ROBO2: variants seen among roughly 807,000 people sequenced by gnomAD.
ROBO2 encodes the protein roundabout homolog 2.
Under a neutral mutation model 160.8 loss-of-function variants are expected in ROBO2, and 53 were observed. The observed-to-expected ratio is 0.33, with a 90% confidence interval of 0.26 to 0.41. The LOEUF is 0.41. Among genes scored for constraint, ROBO2 ranks in the 10% least tolerant of loss-of-function variants. The probability of loss-of-function intolerance (pLI) is 1.00; values close to 1 mark genes in which losing one functional copy is unlikely to be tolerated. For missense variants in ROBO2, 1,577 were observed against 1,722.4 expected (o/e 0.92, Z 1.49); for synonymous variants, 664 against 611.7 (o/e 1.09, Z -1.26).
In ROBO2 at chr3:77,327,459, C is replaced by T. The variant is rs553595035; in HGVS notation, c.389-149955C>T. On this transcript the variant is annotated intron_variant, in intron 2 of 25. Transcript: ENST00000461745. The stretch of plus-strand genomic sequence containing the variant: ...GTGAGATTTTCTTCATTTTCCTATT[C>T]GCTTGGATATGCTGTAACTCCATTT... Among the ~76,000 whole-genome samples the T allele has an allele frequency of 9.9e-4, 150 of 152,220 alleles. 1 individual carries two copies. Among genetic ancestry groups the T allele is most frequent in the African/African-American group, 2.9e-3 (120 of 41,532 alleles).
At chr3:76,344,141 T>A (rs1324103338) in intron 2 of ROBO2, among the ~76,000 whole-genome samples, 2 of 152,142 alleles carry the variant, frequency 1.3e-5, no homozygotes, top group African/African-American at 4.8e-5. Context: ...TTTATAATAA[T>A]CATGTTGGAA....
intron 2 of ROBO2, among the ~76,000 whole-genome samples, chr3:76,076,765 A>G (rs1485101147): frequency 6.6e-6 from 1 of 152,246 alleles, no homozygotes; most frequent in Non-Finnish European, 1.5e-5. Flanking sequence ...CCAAAAGAGC[A>G]TATAACCTGA....
rs539364733 is a variant in ROBO2 at position 77,462,283 on chromosome 3, C to T, written c.389-15131C>T. 1.1e-4 allele frequency among the ~76,000 whole-genome samples: 17 copies of T among 152,174 alleles called. No homozygotes were observed. In the East Asian group the frequency reaches 3.1e-3, roughly 28 times the overall value. On this transcript the variant is annotated intron_variant, in intron 2 of 25. Coordinates refer to ENST00000461745, the Ensembl canonical transcript of ROBO2. Reference sequence around the variant, plus strand: ...CAAATCAAAAGGTTGTCATCGAATTCGTCTTTATGTCTCTTGTGCCTAGCT... The same window carrying T: ...CAAATCAAAAGGTTGTCATCGAATTTGTCTTTATGTCTCTTGTGCCTAGCT...
At chr3:76,305,312 G>T (rs757511602) in intron 2 of ROBO2, among the ~76,000 whole-genome samples, 2 of 129,232 alleles carry the variant, frequency 1.5e-5, no homozygotes, top group Non-Finnish European at 3.1e-5. Flanking sequence ...GATTGCTTGA[G>T]CCCAAGAGTT....
chr3:77,218,218 C>T (rs532498918), intron 2 of ROBO2, among the ~76,000 whole-genome samples: 1 of 152,256 alleles, frequency 6.6e-6, no homozygotes, highest in South Asian at 2.1e-4. Context: ...ATTCTTCAAA[C>T]TCTGTACTTC....
intron 2 of ROBO2, among the ~76,000 whole-genome samples, chr3:76,836,655 C>T (rs1324413021): frequency 6.6e-6 from 1 of 151,514 alleles, no homozygotes; most frequent in Non-Finnish European, 1.5e-5. Flanking sequence ...TTAGAAGTAT[C>T]TTATTTAATT....
intron 2 of ROBO2, among the ~76,000 whole-genome samples, chr3:77,438,506 T>A (rs1053899044): frequency 1.3e-5 from 2 of 151,452 alleles, no homozygotes; most frequent in African/African-American, 4.9e-5. Flanking sequence ...AAAGTGAGTA[T>A]CTGAAAAAGA....
chr3:76,324,152 AT>A (rs1456304332), intron 2 of ROBO2, among the ~76,000 whole-genome samples: 1 of 152,156 alleles, frequency 6.6e-6, no homozygotes, highest in Non-Finnish European at 1.5e-5. Flanking sequence ...TCATAACACT[AT>A]TTAAAGGAAG....
intron 2 of ROBO2, among the ~76,000 whole-genome samples, chr3:77,319,620 T>A (rs1276589849): frequency 1.3e-5 from 2 of 152,106 alleles, no homozygotes; most frequent in Non-Finnish European, 2.9e-5. Flanking sequence ...GAAAGGAAAA[T>A]AACAAAGAAG....
chr3:76,132,278 A>G (rs2071251499), intron 2 of ROBO2, among the ~76,000 whole-genome samples: 1 of 151,696 alleles, frequency 6.6e-6, no homozygotes, highest in Non-Finnish European at 1.5e-5. Context: ...GACGTGCTAC[A>G]GGGCAGCTCT....
intron 16 of ROBO2, among the ~76,000 whole-genome samples, chr3:77,583,014 C>T (rs1309301221): frequency 1.3e-5 from 2 of 151,554 alleles, no homozygotes; most frequent in Non-Finnish European, 2.9e-5. Flanking sequence ...TGGTGGCGTG[C>T]ACCTGTAGTC....
intron 2 of ROBO2, among the ~76,000 whole-genome samples, chr3:76,832,356 A>T (rs928278581): frequency 1.3e-5 from 2 of 152,224 alleles, no homozygotes; most frequent in Non-Finnish European, 2.9e-5. Flanking sequence ...ACACTTATTA[A>T]TGGCAAAGAT....
intron 1 of ROBO2, among the ~76,000 whole-genome samples, chr3:77,046,722 C>A (rs989387783): frequency 7.2e-5 from 11 of 152,162 alleles, no homozygotes; most frequent in African/African-American, 2.7e-4. Context: ...GAATTCCAGG[C>A]TCTTGTTACT....
chr3:77,163,116 G>A (rs975858460), intron 2 of ROBO2, among the ~76,000 whole-genome samples: 3 of 152,112 alleles, frequency 2.0e-5, no homozygotes, highest in Non-Finnish European at 4.4e-5. Context: ...GATTACAGGT[G>A]TGAGCCACCG....
chr3:76,909,339 GAC>G (rs1024311266), intron 2 of ROBO2, among the ~76,000 whole-genome samples: 1 of 152,142 alleles, frequency 6.6e-6, no homozygotes, highest in African/African-American at 2.4e-5. Context: ...TGCACTCGCA[GAC>G]ACACACAGTG....
chr3:77,421,714 T>A (rs1272249026), intron 2 of ROBO2, among the ~76,000 whole-genome samples: 1 of 151,894 alleles, frequency 6.6e-6, no homozygotes, highest in East Asian at 1.9e-4. Context: ...TGAAGTAGAT[T>A]TTGAAAAAGG....
intron 2 of ROBO2, among the ~76,000 whole-genome samples, chr3:76,212,842 G>C (rs1703232309): frequency 3.4e-5 from 1 of 29,432 alleles, no homozygotes; most frequent in Non-Finnish European, 8.2e-5. Context: ...AACCCATGGA[G>C]CCTCTCTCTC....
chr3:76,925,374 A>G (rs1314045791), intron 2 of ROBO2, among the ~76,000 whole-genome samples: 1 of 152,152 alleles, frequency 6.6e-6, no homozygotes, highest in Non-Finnish European at 1.5e-5. Flanking sequence ...TGTTGTAGAT[A>G]TTAAGTCTTT....
chr3:77,322,877 A>G lies in ROBO2; in HGVS notation c.389-154537A>G, dbSNP rs2064903749. Among the ~76,000 whole-genome samples, 2 of 116,050 alleles carry G rather than the reference A, an allele frequency of 1.7e-5. 1 individual carries two copies. Among genetic ancestry groups the G allele is most frequent in the East Asian group, 4.8e-4 (2 of 4,210 alleles). The allele number at this position is 116,050 out of a possible 152,430, so 76.1% of individuals were successfully genotyped here. ...ACATATGTATTATAATATATTATGT[A>G]ATATATTATATTATACATATATTAT... On this transcript the variant is annotated intron_variant, in intron 2 of 25. Coordinates refer to ENST00000461745, the Ensembl canonical transcript of ROBO2.
Sources: gnomAD v4.1 joint callset for allele counts (sites outside exome capture counted in the v4.1 genomes callset) on GRCh38, gnomAD v4.1.1 for gene constraint, MANE v1.5 for transcripts, NCBI Gene and HGNC (gene_info 2026-07-23, HGNC 2026-07-21) for gene names.